GALNT13: variants seen among roughly 807,000 people sequenced by gnomAD.
The protein encoded by GALNT13 is polypeptide N-acetylgalactosaminyltransferase 13.
Under a neutral mutation model 64.2 loss-of-function variants are expected in GALNT13, and 28 were observed. That is an observed-to-expected ratio of 0.44 (90% CI 0.32 to 0.60). The LOEUF (loss-of-function observed/expected upper bound fraction) is 0.60. GALNT13 is among the 20% of genes least tolerant of loss of function. GALNT13 has a pLI of 0.05. For missense variants in GALNT13, 577 were observed against 669.8 expected (o/e 0.86, Z 1.53); for synonymous variants, 214 against 224.6 (o/e 0.95, Z 0.42).
At chr2:154,417,521 A>ATTTTTTTTTT (rs1238225224) in intron 11 of GALNT13, among the ~76,000 whole-genome samples, 9 of 139,134 alleles carry the variant, frequency 6.5e-5, no homozygotes, top group East Asian at 6.4e-4. Context: ...TTATTTATTT[A>ATTTTTTTTTT]TTTTTTTGAG....
the GALNT13 span, among the ~76,000 whole-genome samples, chr2:153,497,463 T>A: frequency 8.6e-5 from 13 of 151,306 alleles, no homozygotes; most frequent in African/African-American, 3.2e-4. Flanking sequence ...AACTATGTAT[T>A]GGATTTGGAA....
the GALNT13 span, among the ~76,000 whole-genome samples, chr2:153,621,752 G>T: frequency 6.6e-6 from 1 of 152,034 alleles, no homozygotes; most frequent in African/African-American, 2.4e-5. Flanking sequence ...AGAGAGTACT[G>T]CCAGATTACC....
At chr2:154,231,200 A>T (rs139237100) in intron 4 of GALNT13, among the ~76,000 whole-genome samples, 4 of 152,032 alleles carry the variant, frequency 2.6e-5, no homozygotes, top group Non-Finnish European at 5.9e-5. Flanking sequence ...CCCTTATCTC[A>T]TTCAAAGCAG....
intron 4 of GALNT13, among the ~76,000 whole-genome samples, chr2:154,204,292 A>G (rs540241153): frequency 1.3e-5 from 2 of 152,288 alleles, no homozygotes; most frequent in Middle Eastern, 3.4e-3. Context: ...TTAATTGTAT[A>G]GTGATTTAAT....
At chr2:154,417,167 T>G (rs1179385101) in intron 11 of GALNT13, among the ~76,000 whole-genome samples, 2 of 151,878 alleles carry the variant, frequency 1.3e-5, no homozygotes, top group African/African-American at 4.8e-5. Flanking sequence ...ACAATAATTT[T>G]CAGTGTAGTT....
intron 3 of GALNT13, among the ~76,000 whole-genome samples, chr2:154,114,150 A>T (rs1458628714): frequency 6.6e-6 from 1 of 152,236 alleles, no homozygotes. Context: ...CCCTCCAGAG[A>T]TGCAATATTG....
In GALNT13 at chr2:154,040,324, A is replaced by T. The variant is rs931579080; in HGVS notation, c.142+95685A>T. 2.9e-4 allele frequency among the ~76,000 whole-genome samples: 41 copies of T among 141,362 alleles called. 8 individuals carry two copies. Among genetic ancestry groups the T allele is most frequent in the East Asian group, 4.0e-4 (2 of 5,036 alleles). 92.7% of individuals were successfully genotyped at this position (141,362 alleles called of 152,430 possible). On this transcript the variant is annotated intron_variant, in intron 3 of 12. Transcript: ENST00000392825. ...GCCCAAACCAAATGTGTTCAAATCT[A>T]AGTCATCTTTCTGATGTATCTTAGG...
At chr2:154,297,117 G>A (rs1441168685) in intron 8 of GALNT13, among the ~76,000 whole-genome samples, 1 of 152,204 alleles carries the variant, frequency 6.6e-6, no homozygotes, top group Non-Finnish European at 1.5e-5. Context: ...TAGAGGCCCT[G>A]CTAAAGGATT....
At chr2:153,924,688 G>A (rs1689993274) in intron 2 of GALNT13, among the ~76,000 whole-genome samples, 2 of 152,132 alleles carry the variant, frequency 1.3e-5, no homozygotes, top group Non-Finnish European at 2.9e-5. Context: ...CAGTATATAA[G>A]CGTCCCTTTT....
At chr2:154,207,688 G>A (rs1260905952) in intron 4 of GALNT13, among the ~76,000 whole-genome samples, 1 of 152,090 alleles carries the variant, frequency 6.6e-6, no homozygotes, top group African/African-American at 2.4e-5. Flanking sequence ...CAGGAAAAAG[G>A]GACAGGGAAG....
intron 5 of GALNT13, 61 bp from the exon 6 acceptor site, chr2:154,242,637 C>A: frequency 1.9e-6 from 2 of 1,064,144 alleles, no homozygotes; most frequent in South Asian, 1.4e-5. Context: ...TTGGTAGTAT[C>A]TCTGCTATTT....
chr2:154,171,049 G>T (rs1333609761), intron 4 of GALNT13, among the ~76,000 whole-genome samples: 1 of 152,080 alleles, frequency 6.6e-6, no homozygotes, highest in Non-Finnish European at 1.5e-5. Flanking sequence ...ATTATCAAAA[G>T]AATATCTTTA....
chr2:153,964,307 G>A (rs1010617770), intron 3 of GALNT13, among the ~76,000 whole-genome samples: 7 of 152,152 alleles, frequency 4.6e-5, no homozygotes, highest in Admixed American at 1.3e-4. Context: ...AAATTAGCTA[G>A]CCATGGTGGT....
chr2:153,905,721 C>T (rs1189529958), intron 2 of GALNT13, among the ~76,000 whole-genome samples: 1 of 151,958 alleles, frequency 6.6e-6, no homozygotes, highest in Non-Finnish European at 1.5e-5. Context: ...TAGAGCTTAG[C>T]AACGTGAGCA....
At chr2:154,220,051 T>TA (rs1293442622) in intron 4 of GALNT13, among the ~76,000 whole-genome samples, 3 of 152,064 alleles carry the variant, frequency 2.0e-5, no homozygotes, top group Non-Finnish European at 2.9e-5. Context: ...TTAAGAAGAC[T>TA]AATAAAAACT....
At chr2:153,099,016 G>A in the GALNT13 span, among the ~76,000 whole-genome samples, 20 of 152,172 alleles carry the variant, frequency 1.3e-4, no homozygotes, top group South Asian at 4.1e-4. Context: ...GAGCTACTCC[G>A]AGGCTGAGGC....
chr2:154,115,950 G>C (rs1174619322), intron 3 of GALNT13, among the ~76,000 whole-genome samples: 1 of 152,126 alleles, frequency 6.6e-6, no homozygotes, highest in Non-Finnish European at 1.5e-5. Context: ...GTCACACTCT[G>C]AACCTTACCT....
At chr2:153,790,035 A>T in the GALNT13 span, among the ~76,000 whole-genome samples, 9 of 152,264 alleles carry the variant, frequency 5.9e-5, no homozygotes, top group East Asian at 1.5e-3. Flanking sequence ...TCCTACTAAA[A>T]CTATTTCAAA....
At chr2:154,303,537 A>G (rs1479650861) in intron 9 of GALNT13, among the ~76,000 whole-genome samples, 1 of 152,102 alleles carries the variant, frequency 6.6e-6, no homozygotes, top group Non-Finnish European at 1.5e-5. Context: ...TCTTTGTTAG[A>G]AAATGATTTT....
Sources: allele counts gnomAD v4.1 joint callset (sites outside exome capture counted in the v4.1 genomes callset), GRCh38; gene constraint gnomAD v4.1.1; transcripts MANE v1.5; gene names NCBI Gene and HGNC (gene_info 2026-07-23, HGNC 2026-07-21).